The following MTNR1A variants were observed in gnomAD, a reference collection of about 807,000 sequenced individuals.
The protein encoded by MTNR1A is melatonin receptor 1A, also known as melatonin receptor type 1A.
In MTNR1A, 7 loss-of-function variants were observed where a neutral mutation model predicts 5.5. That is an observed-to-expected ratio of 1.28 (90% CI 0.73 to 2.40). The LOEUF (loss-of-function observed/expected upper bound fraction) is 2.40, where lower values mean the gene tolerates loss of function less well. Ranked by LOEUF, MTNR1A falls within the 30% of genes most tolerant of loss-of-function variation. The pLI is 0.00. For missense variants in MTNR1A, 441 were observed against 464.4 expected, an observed-to-expected ratio of 0.95 and a Z score of 0.46; for synonymous variants, 196 against 202.7, an observed-to-expected ratio of 0.97 and a Z score of 0.28.
In MTNR1A at chr4:186,533,657, C is replaced by T. The variant is rs768961372; in HGVS notation, c.*32G>A. The T allele has an allele frequency of 1.6e-5, 26 of 1,612,736 alleles. No homozygotes were observed. Among genetic ancestry groups the T allele is most frequent in the South Asian group, 5.5e-5 (5 of 90,994 alleles). On this transcript the variant is annotated 3_prime_UTR_variant, in exon 2 of 2. Coordinates refer to ENST00000307161, the MANE Select transcript of MTNR1A (RefSeq NM_005958.4). ...CTGTCAAGAGCGAGGCCTTGCGCAG[C>T]GTGTCCATCTCACCCGGAACGTGGT...
chr4:186,546,637 C>T (rs1462148916), intron 1 of MTNR1A, among the ~76,000 whole-genome samples: 1 of 151,722 alleles, frequency 6.6e-6, no homozygotes, highest in Non-Finnish European at 1.5e-5. Context: ...ACACCATCCG[C>T]CTCGCTCCCT....
rs1737343808 is a variant in MTNR1A at position 186,555,139 on chromosome 4, T to C, written c.184+43A>G. 1 of 1,560,844 alleles carries C rather than the reference T, an allele frequency of 6.4e-7. No individual in the cohort carries two copies. Among genetic ancestry groups the C allele is most frequent in the East Asian group, 2.4e-5 (1 of 42,504 alleles). On this transcript the variant is annotated intron_variant, in intron 1 of 1. Coordinates refer to ENST00000307161, the MANE Select transcript of MTNR1A (RefSeq NM_005958.4). This position sits in a 1 kb window ranked among gnomAD's most constrained non-coding sequence, Gnocchi z 4.1. ...AGGCTGGCTGCCCGCGGAGAGGCGC[T>C]GCGTCCGGAGCGCTGGCCCAGGGGA...
At chr4:186,553,358 G>A (rs1263576708) in intron 1 of MTNR1A, among the ~76,000 whole-genome samples, 6 of 152,154 alleles carry the variant, frequency 3.9e-5, no homozygotes, top group Non-Finnish European at 8.8e-5. Flanking sequence ...GCGGATTAAA[G>A]GTCACTAAGG....
chr4:186,542,355 C>T lies in MTNR1A; in HGVS notation c.185-7798G>A, dbSNP rs534865147. ...CTTCCAGCAACCTAACACCCACGGA[C>T]GTACAGGACGCCTTCTCCACCGTGA... On this transcript the variant is annotated intron_variant, in intron 1 of 1. Coordinates refer to ENST00000307161, the MANE Select transcript of MTNR1A (RefSeq NM_005958.4). Among the ~76,000 whole-genome samples the T allele has an allele frequency of 4.6e-5, 7 of 152,294 alleles. No individual in the cohort carries two copies. The South Asian group carries it at 8.3e-4, about 18-fold the overall frequency.
intron 1 of MTNR1A, among the ~76,000 whole-genome samples, chr4:186,537,408 A>C (rs1736883418): frequency 6.6e-6 from 1 of 152,258 alleles, no homozygotes; most frequent in Admixed American, 6.5e-5. Flanking sequence ...AACTCCAGAC[A>C]TATGGACAAT....
At chr4:186,551,496 T>A (rs1275109715) in intron 1 of MTNR1A, among the ~76,000 whole-genome samples, 4 of 152,116 alleles carry the variant, frequency 2.6e-5, no homozygotes, top group Non-Finnish European at 5.9e-5. Flanking sequence ...ATTAACATCA[T>A]AATACTATTA....
At chr4:186,542,529 T>C (rs952187344) in intron 1 of MTNR1A, among the ~76,000 whole-genome samples, 3 of 152,182 alleles carry the variant, frequency 2.0e-5, no homozygotes, top group Non-Finnish European at 2.9e-5. Flanking sequence ...GAATGGCTTT[T>C]GAAGGTTCAG....
At position 186,534,023 on chromosome 4, in the gene MTNR1A, A is replaced by C; in HGVS notation, c.719T>G (p.Met240Arg). The C allele has an allele frequency of 6.2e-7, 1 of 1,614,114 alleles. No homozygotes were observed. The highest frequency in any genetic ancestry group is 8.5e-7 in the Non-Finnish European group (1 of 1,180,022). ...KPQDFRNFVT[M>R]FVVFVLFAIC... Reference sequence around the variant, plus strand: ...GGCAAAAAGGACAAAAACCACAAACATGGTGACAAAATTCCTGAAGTCCTG... The same window carrying C: ...GGCAAAAAGGACAAAAACCACAAACCTGGTGACAAAATTCCTGAAGTCCTG... The change falls in exon 2 of 2, where the codon ATG becomes AGG. Residue 240 changes from methionine to arginine, a missense_variant. By Grantham distance (91) the Met-to-Arg change is moderately conservative. Transcript: ENST00000307161.
chr4:186,535,577 C>T (rs554500247), intron 1 of MTNR1A, among the ~76,000 whole-genome samples: 7 of 152,070 alleles, frequency 4.6e-5, no homozygotes, highest in African/African-American at 1.4e-4. Flanking sequence ...ACACCCGGCT[C>T]GTTTTTGTAT....
chr4:186,535,870 A>T (rs1304158167), intron 1 of MTNR1A, among the ~76,000 whole-genome samples: 1 of 152,230 alleles, frequency 6.6e-6, no homozygotes, highest in East Asian at 1.9e-4. Context: ...TAGAAATGCC[A>T]GAAGCCTTTG....
In MTNR1A at chr4:186,534,268, G is replaced by A. The variant is rs138789502; in HGVS notation, c.474C>T (p.Ala158=). 1.9e-5 allele frequency: 31 copies of A among 1,614,050 alleles called. No individual in the cohort carries two copies. The African/African-American group carries it at 3.5e-4, about 18-fold the overall frequency. The change falls in exon 2 of 2, where the codon GCC becomes GCT. Residue 158 remains alanine, a synonymous_variant. Coordinates refer to ENST00000307161, the MANE Select transcript of MTNR1A (RefSeq NM_005958.4). ...TCCCTGCACGGAGGTTGGGCAGGACGGCCGCCAGCGTCAGGAGCCATATGA... is the reference window on the plus strand; with the variant it reads ...TCCCTGCACGGAGGTTGGGCAGGACAGCCGCCAGCGTCAGGAGCCATATGA... ...VLLIWLLTLA[A]VLPNLRAGTL... is the part of the protein sequence containing the mutation.
intron 1 of MTNR1A, among the ~76,000 whole-genome samples, chr4:186,540,995 G>A (rs1012347536): frequency 2.0e-5 from 3 of 151,968 alleles, no homozygotes; most frequent in Admixed American, 6.6e-5. Context: ...ATCTGGCTCC[G>A]GCAGCTCCTG....
intron 1 of MTNR1A, among the ~76,000 whole-genome samples, chr4:186,549,231 T>G (rs2111385658): frequency 6.6e-6 from 1 of 152,318 alleles, no homozygotes; most frequent in South Asian, 2.1e-4. Flanking sequence ...AACATATTCC[T>G]AAATATGTTC....
In MTNR1A at chr4:186,550,965, A is replaced by G. The variant is rs552797660; in HGVS notation, c.184+4217T>C. Among the ~76,000 whole-genome samples the G allele has an allele frequency of 8.0e-4, 122 of 152,352 alleles. 2 individuals are homozygous for G. The highest frequency in any genetic ancestry group is 2.9e-3 in the African/African-American group (121 of 41,584). The stretch of plus-strand genomic sequence containing the variant: ...CAACAGCTAAGAATACAAGGGGGAA[A>G]AATCAATAAAATGTCTCTAAAGTAA... On this transcript the variant is annotated intron_variant, in intron 1 of 1. Coordinates refer to ENST00000307161, the MANE Select transcript of MTNR1A (RefSeq NM_005958.4).
intron 1 of MTNR1A, among the ~76,000 whole-genome samples, chr4:186,538,543 C>T (rs1051371952): frequency 1.3e-5 from 2 of 152,166 alleles, no homozygotes; most frequent in African/African-American, 2.4e-5. Context: ...GCTTGAGATT[C>T]GACCATCCTC....
intron 1 of MTNR1A, among the ~76,000 whole-genome samples, chr4:186,544,362 G>A (rs1350754875): frequency 2.6e-5 from 4 of 152,178 alleles, no homozygotes; most frequent in East Asian, 1.9e-4. Flanking sequence ...TAGATATGCC[G>A]TTATTAACTA....
intron 1 of MTNR1A, among the ~76,000 whole-genome samples, chr4:186,546,404 G>A (rs1345326335): frequency 6.6e-6 from 1 of 151,624 alleles, no homozygotes; most frequent in African/African-American, 2.4e-5. Context: ...ACACATGACA[G>A]TGCATCACCC....
Position 186,533,735 on chromosome 4 carries a change from G to GA in MTNR1A, c.1006dup (p.Ser336PhefsTer8). The GA allele has an allele frequency of 6.2e-7, 1 of 1,614,226 alleles. No individual in the cohort carries two copies. Among genetic ancestry groups the GA allele is most frequent in the Non-Finnish European group, 8.5e-7 (1 of 1,180,040 alleles). On this transcript the variant is annotated frameshift_variant, in exon 2 of 2. Transcript: ENST00000307161. LOFTEE classifies it high-confidence loss of function. The stretch of plus-strand genomic sequence containing the variant: ...TACATTATTGTTGGTCATCAGTGGA[G>GA]ACGGTTTCCATTTAACCCTATCGGC...
chr4:186,544,651 G>A (rs1737099885), intron 1 of MTNR1A, among the ~76,000 whole-genome samples: 1 of 152,184 alleles, frequency 6.6e-6, no homozygotes, highest in Admixed American at 6.5e-5. Context: ...TACAGCTCTA[G>A]CCATCTTTTT....
Sources: allele counts gnomAD v4.1 joint callset (sites outside exome capture counted in the v4.1 genomes callset), GRCh38; gene constraint gnomAD v4.1.1; non-coding constraint Gnocchi (gnomAD v3.1); transcripts MANE v1.5; gene names NCBI Gene and HGNC (gene_info 2026-07-23, HGNC 2026-07-21).